GPA33: variants seen among roughly 807,000 people sequenced by gnomAD.
The protein encoded by GPA33 is glycoprotein A33, also known as cell surface A33 antigen.
A neutral mutation model predicts 35.6 loss-of-function variants in GPA33; 27 were observed. The ratio of observed to expected loss-of-function variants is 0.76; its 90% CI spans 0.56 to 1.04. The LOEUF is 1.04. Ranked by LOEUF, GPA33 falls within the 50% of genes least tolerant of loss-of-function variation. The pLI, the probability that GPA33 is intolerant of heterozygous loss-of-function variation, is 0.00. For synonymous variants in GPA33, 176 were observed against 164.0 expected, an observed-to-expected ratio of 1.07 and a Z score of -0.56; for missense variants, 428 against 411.9, an observed-to-expected ratio of 1.04 and a Z score of -0.34.
chr1:167,055,830 G>A lies in GPA33; in HGVS notation c.591C>T (p.Ser197=), dbSNP rs1190809491. 3.7e-6 allele frequency: 6 copies of A among 1,614,046 alleles called. No individual in the cohort carries two copies. The highest frequency in any genetic ancestry group is 2.2e-5 in the South Asian group (2 of 91,072). Residue 197 remains serine, a synonymous_variant, in exon 5 of 7, where the codon TCC becomes TCT. Coordinates refer to ENST00000367868, the MANE Select transcript of GPA33 (RefSeq NM_005814.3). ...LAQPASGQPV[S]LKNISTDTSG... ...ATGTGTCTGTGGAGATATTCTTCAG[G>A]GAGACAGGCTGACCTGAGGCTGCAG...
At chr1:167,060,096 T>C (rs1666402328) in intron 4 of GPA33, among the ~76,000 whole-genome samples, 1 of 152,214 alleles carries the variant, frequency 6.6e-6, no homozygotes, top group Non-Finnish European at 1.5e-5. Flanking sequence ...TTTGTGTTTT[T>C]AAGATAAGAT....
chr1:167,058,231 T>C (rs1456202894), intron 4 of GPA33: 1 of 152,188 alleles, frequency 6.6e-6, no homozygotes, highest in Non-Finnish European at 1.5e-5. Context: ...AAATTTTGTA[T>C]GATAAAAGCA....
Position 167,055,783 on chromosome 1 carries a change from G to C in GPA33, c.638C>G (p.Ser213Cys), listed in dbSNP as rs2102163615. ...GAACTGCGTCCCCTCCTCATTGCTG[G>C]AGGTACAGATGTAGTAACCCGATGT... The part of the protein sequence containing the change: ...TDTSGYYICT[S>C]SNEEGTQFCN... Residue 213 changes from serine to cysteine, a missense_variant, in exon 5 of 7, where the codon TCC (serine) becomes TGC (cysteine). Transcript: ENST00000367868. 1 of 1,614,010 alleles carries C rather than the reference G, an allele frequency of 6.2e-7. No homozygotes were observed. Among genetic ancestry groups the C allele is most frequent in the South Asian group, 1.1e-5 (1 of 91,070 alleles).
intron 4 of GPA33, among the ~76,000 whole-genome samples, chr1:167,058,763 A>G (rs1666367065): frequency 6.6e-6 from 1 of 152,184 alleles, no homozygotes; most frequent in African/African-American, 2.4e-5. Flanking sequence ...CAAGTTTAGG[A>G]ATCACTGAGT....
chr1:167,088,388 T>C (rs1342531703), intron 1 of GPA33, among the ~76,000 whole-genome samples: 4 of 152,230 alleles, frequency 2.6e-5, no homozygotes, highest in Non-Finnish European at 5.9e-5. Flanking sequence ...TCTGTTTATA[T>C]ACCTCAAGTC....
intron 1 of GPA33, among the ~76,000 whole-genome samples, chr1:167,085,252 A>C (rs886201331): frequency 1.3e-5 from 2 of 152,166 alleles, no homozygotes; most frequent in African/African-American, 2.4e-5. Flanking sequence ...TGAGGCTGCT[A>C]AGGAGACATG....
Position 167,063,684 on chromosome 1 carries a change from T to C in GPA33, c.469A>G (p.Asn157Asp). The C allele has an allele frequency of 6.2e-7, 1 of 1,613,690 alleles. No homozygotes were observed. The highest frequency in any genetic ancestry group is 2.2e-5 in the East Asian group (1 of 44,874). The change falls in exon 4 of 7, where the codon AAC becomes GAC. Residue 157 changes from asparagine to aspartate, a missense_variant. Asn to Asp is a conservative substitution (Grantham distance 23). Coordinates refer to ENST00000367868, the MANE Select transcript of GPA33 (RefSeq NM_005814.3). ...GIEGETIIGN[N>D]IQLTCQSKEG... ...TTTGATTGGCAGGTCAGCTGGATGTTGTTCCCAATTATGGTCTCTCCCTCG... is the reference window on the plus strand; with the variant it reads ...TTTGATTGGCAGGTCAGCTGGATGTCGTTCCCAATTATGGTCTCTCCCTCG...
In GPA33 at chr1:167,063,709, G is replaced by T; in HGVS notation, c.444C>A (p.Ile148=). 2 of 1,613,318 alleles carry T rather than the reference G, an allele frequency of 1.2e-6. No individual in the cohort carries two copies. The highest frequency in any genetic ancestry group is 1.7e-6 in the Non-Finnish European group (2 of 1,179,918). The change falls in exon 4 of 7, where the codon ATC becomes ATA. Residue 148 remains isoleucine, a synonymous_variant. Coordinates refer to ENST00000367868, the MANE Select transcript of GPA33 (RefSeq NM_005814.3). The part of the protein sequence containing the change: ...LVPPSKPECG[I]EGETIIGNNI... ...TGTTCCCAATTATGGTCTCTCCCTCGATGCCGCATTCTGGTTTGGAGGGTG... is the reference window on the plus strand; with the variant it reads ...TGTTCCCAATTATGGTCTCTCCCTCTATGCCGCATTCTGGTTTGGAGGGTG...
chr1:167,076,960 C>T (rs1021100138), intron 1 of GPA33, among the ~76,000 whole-genome samples: 1 of 152,116 alleles, frequency 6.6e-6, no homozygotes, highest in Non-Finnish European at 1.5e-5. Context: ...AATCCCAGCA[C>T]TTTGGGAGGC....
rs994696135 is a variant in GPA33 at position 167,083,519 on chromosome 1, G to A, written c.43+6726C>T. On this transcript the variant is annotated intron_variant, in intron 1 of 6. Transcript: ENST00000367868. ...CTATGCCAGACTCTGGGGATACAAC[G>A]TGGGGCAGGGACAGATGCAGTTGCT... is the stretch of plus-strand genomic sequence containing the variant. Among the ~76,000 whole-genome samples the A allele has an allele frequency of 7.2e-5, 11 of 152,350 alleles. No individual in the cohort carries two copies. In the South Asian group the frequency reaches 1.5e-3, roughly 20 times the overall value.
intron 4 of GPA33, among the ~76,000 whole-genome samples, chr1:167,060,319 C>T (rs1328687406): frequency 2.6e-5 from 4 of 152,132 alleles, no homozygotes; most frequent in East Asian, 3.9e-4. Flanking sequence ...GCGATCCACC[C>T]GCCTCAGCTT....
intron 2 of GPA33, among the ~76,000 whole-genome samples, chr1:167,071,668 A>G (rs1422661526): frequency 1.3e-5 from 2 of 152,100 alleles, no homozygotes; most frequent in Admixed American, 6.5e-5. Flanking sequence ...GTCCTTCCCA[A>G]TTCTGCTCTT....
chr1:167,054,707 G>A (rs767047993), intron 6 of GPA33, among the ~76,000 whole-genome samples: 17 of 152,296 alleles, frequency 1.1e-4, no homozygotes, highest in East Asian at 3.9e-4. Flanking sequence ...AACTGGCCCC[G>A]TGACAGGGGC....
At chr1:167,070,564 C>T (rs1351322830) in intron 2 of GPA33, among the ~76,000 whole-genome samples, 1 of 152,104 alleles carries the variant, frequency 6.6e-6, no homozygotes, top group Non-Finnish European at 1.5e-5. Context: ...TCTACAATGC[C>T]AGGTCTCAGA....
At chr1:167,058,852 G>A (rs991221692) in intron 4 of GPA33, among the ~76,000 whole-genome samples, 1 of 152,202 alleles carries the variant, frequency 6.6e-6, no homozygotes, top group Non-Finnish European at 1.5e-5. Flanking sequence ...TTCTGACAGC[G>A]GGGTGTGGTA....
intron 4 of GPA33, among the ~76,000 whole-genome samples, chr1:167,056,711 T>TGTGTGATGTGTGTG (rs1666286889): frequency 2.7e-3 from 4 of 1,492 alleles, no homozygotes; most frequent in Non-Finnish European, 5.2e-3. Context: ...GTGTGTGTAG[T>TGTGTGATGTGTGTG]GTGTGTGTAG....
Position 167,054,293 on chromosome 1 carries a change from A to C in GPA33, c.*41T>G. ...AGGGAGGCCAGGAAGCGGGAGAATG[A>C]ACCCCTAACCCTTCCTCCGCCGCCC... On this transcript the variant is annotated 3_prime_UTR_variant, in exon 7 of 7. Coordinates refer to ENST00000367868, the MANE Select transcript of GPA33 (RefSeq NM_005814.3). The C allele has an allele frequency of 6.2e-7, 1 of 1,610,498 alleles. No homozygotes were observed. Among genetic ancestry groups the C allele is most frequent in the South Asian group, 1.1e-5 (1 of 90,922 alleles).
chr1:167,055,958 T>G, intron 4 of GPA33, 109 bp from the exon 5 acceptor site: 1 of 1,135,186 alleles, frequency 8.8e-7, no homozygotes, highest in Non-Finnish European at 1.3e-6. Context: ...CCACTGAGCT[T>G]CTTCAGGCCG....
At position 167,088,722 on chromosome 1, in the gene GPA33, A is replaced by G. The variant is rs192613391; in HGVS notation, c.43+1523T>C. ...TTTTAAGATCGTTTTTCTAAGCCAA[A>G]ATTTCTTATTTTTATTCATGCATGG... On this transcript the variant is annotated intron_variant, in intron 1 of 6. Transcript: ENST00000367868. 2.2e-4 allele frequency among the ~76,000 whole-genome samples: 34 copies of G among 152,226 alleles called. 1 individual carries two copies. Among genetic ancestry groups the G allele is most frequent in the Non-Finnish European group, 1.0e-4 (7 of 67,998 alleles).
Sources: allele counts gnomAD v4.1 joint callset (sites outside exome capture counted in the v4.1 genomes callset), GRCh38; gene constraint gnomAD v4.1.1; transcripts MANE v1.5; gene names NCBI Gene and HGNC (gene_info 2026-07-23, HGNC 2026-07-21).